Variants in ADI1 observed in about 807,000 individuals in gnomAD.
The protein encoded by ADI1 is acireductone dioxygenase 1.
In ADI1, 21 loss-of-function variants were observed where a neutral mutation model predicts 18.7. That is an observed-to-expected ratio of 1.13 (90% CI 0.80 to 1.62). The LOEUF is 1.62. Among genes scored for constraint, ADI1 ranks in the 40% most tolerant of loss-of-function variants. ADI1 has a pLI of 0.00. For missense variants in ADI1, 245 were observed against 254.9 expected (o/e 0.96, Z 0.26); for synonymous variants, 90 against 100.1 (o/e 0.90, Z 0.60).
chr2:3,514,935 ATAATTTAT>A, intron 1 of ADI1: 1 of 1,493,840 alleles, frequency 6.7e-7, no homozygotes. Flanking sequence ...TAATACTTTT[ATAATTTAT>A]TATGCCTGTC....
chr2:3,506,809 T>C (rs1667185651), intron 2 of ADI1, among the ~76,000 whole-genome samples: 1 of 152,224 alleles, frequency 6.6e-6, no homozygotes, highest in Non-Finnish European at 1.5e-5. Flanking sequence ...CATGCTATAG[T>C]AGTCAAGACT....
intron 1 of ADI1, among the ~76,000 whole-genome samples, chr2:3,514,237 C>CCATTT (rs1667352553): frequency 1.3e-5 from 2 of 152,208 alleles, no homozygotes; most frequent in South Asian, 4.2e-4. Context: ...ATTCTTTTTC[C>CCATTT]CATTTTGAGA....
At position 3,502,001 on chromosome 2, in the gene ADI1, CCACACACACACACA is replaced by C. The variant is rs70938947; in HGVS notation, c.241-1022_241-1009del. ...TGTTCATATCTCCACACCTCCCGCT[CCACACACACACACA>C]CACACACACACACACACACACACAC... On this transcript the variant is annotated intron_variant, in intron 2 of 3. Transcript: ENST00000327435. 6.7e-5 allele frequency among the ~76,000 whole-genome samples: 7 copies of C among 105,038 alleles called. No homozygotes were observed. The East Asian group carries it at 9.9e-4, about 15-fold the overall frequency. The allele number at this position is 105,038 out of a possible 152,430, so 68.9% of individuals were successfully genotyped here.
rs954465497 is a variant in ADI1 at position 3,497,737 on chromosome 2, A to G, written c.*1226T>C. On this transcript the variant is annotated 3_prime_UTR_variant, in exon 4 of 4. Transcript: ENST00000327435. ...GGCGCCACATCAAGGAGGCGAAACT[A>G]GAGTCCGCAGGAGGCCAGCCCCGCA... 2 of 152,230 alleles carry G rather than the reference A, an allele frequency of 1.3e-5. No homozygotes were observed. Among genetic ancestry groups the G allele is most frequent in the African/African-American group, 4.8e-5 (2 of 41,458 alleles). The allele number at this position is 152,230 out of a possible 1,614,324, so 9.4% of individuals were successfully genotyped here.
intron 2 of ADI1, among the ~76,000 whole-genome samples, chr2:3,508,608 C>CAA (rs1360394429): frequency 1.3e-5 from 2 of 151,856 alleles, no homozygotes; most frequent in African/African-American, 4.8e-5. Context: ...TAACACAAAT[C>CAA]AAAAAAATGC....
rs1667415736 is a variant in ADI1 at position 3,516,640 on chromosome 2, C to T, written c.121-2664G>A. The T allele has an allele frequency of 3.7e-6, 3 of 802,504 alleles. No homozygotes were observed. In the African/African-American group the frequency reaches 5.6e-5, roughly 15 times the overall value. The allele number at this position is 802,504 out of a possible 1,614,324, so 49.7% of individuals were successfully genotyped here. ...ATCTTGGACTTCTTAGCCTCTAGAA[C>T]TATAAGAATTCTATAAATTGCTGTT... is the stretch of plus-strand genomic sequence containing the variant. On this transcript the variant is annotated intron_variant, in intron 1 of 3. Coordinates refer to ENST00000327435, the MANE Select transcript of ADI1 (RefSeq NM_018269.4).
At chr2:3,513,049 A>C (rs1024753795) in intron 2 of ADI1, among the ~76,000 whole-genome samples, 3 of 152,168 alleles carry the variant, frequency 2.0e-5, no homozygotes, top group Non-Finnish European at 4.4e-5. Context: ...TGCCCTGCTG[A>C]GTTTTGAACT....
chr2:3,519,121 G>A (rs911507283), intron 1 of ADI1, among the ~76,000 whole-genome samples: 1 of 151,204 alleles, frequency 6.6e-6, no homozygotes, highest in African/African-American at 2.4e-5. Flanking sequence ...CCTCAACGCC[G>A]CTGCTGAGCA....
At chr2:3,501,189 C>G (rs561842624) in intron 2 of ADI1, among the ~76,000 whole-genome samples, 196 bp from the exon 3 acceptor site, 2 of 152,166 alleles carry the variant, frequency 1.3e-5, no homozygotes, top group East Asian at 1.9e-4. Flanking sequence ...TTTTATGAAA[C>G]CTGTCAACAA....
At chr2:3,514,152 A>G (rs908105247) in intron 1 of ADI1, among the ~76,000 whole-genome samples, 176 bp from the exon 2 acceptor site, 1 of 152,210 alleles carries the variant, frequency 6.6e-6, no homozygotes, top group African/African-American at 2.4e-5. Flanking sequence ...TCCATTCTCC[A>G]AAACACCAGC....
intron 3 of ADI1, 147 bp from the exon 4 acceptor site, chr2:3,499,229 A>C: frequency 7.4e-7 from 1 of 1,357,220 alleles, no homozygotes; most frequent in Non-Finnish European, 9.8e-7. Flanking sequence ...TTTAGGCCAC[A>C]TTTTATTCGT....
chr2:3,509,947 C>A (rs1405427654), intron 2 of ADI1, among the ~76,000 whole-genome samples: 1 of 152,024 alleles, frequency 6.6e-6, no homozygotes, highest in South Asian at 2.1e-4. Context: ...AGTTTGAGAC[C>A]AGCCTGACCA....
In ADI1 at chr2:3,503,493, G is replaced by A. The variant is rs1378386747; in HGVS notation, c.241-2500C>T. 4.7e-5 allele frequency among the ~76,000 whole-genome samples: 4 copies of A among 85,718 alleles called. 1 individual carries two copies. Among genetic ancestry groups the A allele is most frequent in the Non-Finnish European group, 8.3e-5 (4 of 48,016 alleles). The allele number at this position is 85,718 out of a possible 152,430, so 56.2% of individuals were successfully genotyped here. On this transcript the variant is annotated intron_variant, in intron 2 of 3. Transcript: ENST00000327435. ...CGTGTGCATTCACACTCATGCACAC[G>A]TACACACACACGCCTACATTCACAC...
At chr2:3,514,754 T>C in intron 1 of ADI1, 3 of 1,536,342 alleles carry the variant, frequency 2.0e-6, no homozygotes, top group Non-Finnish European at 2.6e-6. Flanking sequence ...TGGCAGTGAA[T>C]CTAGCACACT....
At chr2:3,510,454 A>G (rs534759938) in intron 2 of ADI1, among the ~76,000 whole-genome samples, 7 of 152,316 alleles carry the variant, frequency 4.6e-5, no homozygotes, top group Admixed American at 4.6e-4. Flanking sequence ...TAAATGTCAG[A>G]GCAGAATCCA....
intron 2 of ADI1, among the ~76,000 whole-genome samples, chr2:3,508,878 T>C (rs1366910557): frequency 1.3e-5 from 2 of 150,112 alleles, no homozygotes; most frequent in Non-Finnish European, 3.0e-5. Flanking sequence ...CATTTCAGCC[T>C]GGGTGACAGA....
intron 2 of ADI1, among the ~76,000 whole-genome samples, chr2:3,508,198 G>T (rs1280406376): frequency 6.6e-6 from 1 of 151,706 alleles, no homozygotes; most frequent in Non-Finnish European, 1.5e-5. Flanking sequence ...AGCTGGGCGT[G>T]GTGGCAGGTG....
At chr2:3,504,888 G>T (rs575930675) in intron 2 of ADI1, among the ~76,000 whole-genome samples, 164 of 152,036 alleles carry the variant, frequency 1.1e-3, no homozygotes, top group Non-Finnish European at 1.6e-3. Context: ...GTTCACCTGC[G>T]TATGTTTGCG....
chr2:3,516,841 T>A, intron 1 of ADI1: 1 of 985,432 alleles, frequency 1.0e-6, no homozygotes, highest in Non-Finnish European at 1.2e-6. Flanking sequence ...TGTCCACATG[T>A]GTTACCTCTG....
Sources: gnomAD v4.1 joint callset for allele counts (sites outside exome capture counted in the v4.1 genomes callset) on GRCh38, gnomAD v4.1.1 for gene constraint, MANE v1.5 for transcripts, NCBI Gene and HGNC (gene_info 2026-07-23, HGNC 2026-07-21) for gene names.